Variants in REV3L observed in about 807,000 individuals in gnomAD.
REV3L encodes the protein DNA polymerase zeta catalytic subunit.
REV3L carries 69 observed loss-of-function variants against 299.4 expected under a neutral mutation model. The observed-to-expected ratio is 0.23, with a 90% confidence interval of 0.19 to 0.28. The LOEUF is 0.28. Ranked by LOEUF, REV3L falls within the 10% of genes least tolerant of loss-of-function variation. The probability of loss-of-function intolerance (pLI) is 1.00; values close to 1 mark genes in which losing one functional copy is unlikely to be tolerated. For synonymous variants in REV3L, 1,238 were observed against 1,271.4 expected (o/e 0.97, Z 0.56); for missense variants, 3,128 against 3,693.8 (o/e 0.85, Z 3.97).
chr6:111,430,935 T>C, intron 1 of REV3L: 2 of 1,593,110 alleles, frequency 1.3e-6, no homozygotes, highest in Non-Finnish European at 1.7e-6. Context: ...CCTGTGAGAC[T>C]GGGAATGACA....
At chr6:111,326,854 G>C (rs12192147) in intron 25 of REV3L, among the ~76,000 whole-genome samples, 16,352 of 150,986 alleles carry the variant, frequency 0.11, 1,162 homozygotes, top group Middle Eastern at 0.22. Context: ...CTCTATTGGT[G>C]CTAACTTTTC....
chr6:111,430,230 C>T (rs1470870602), intron 1 of REV3L: 2 of 842,132 alleles, frequency 2.4e-6, no homozygotes, highest in African/African-American at 3.3e-5. Flanking sequence ...ACAGATACCC[C>T]ACCCCTTCAA....
In REV3L at chr6:111,473,128, G is replaced by A. The variant is rs149559049; in HGVS notation, c.139+9622C>T. ...GGCCCATTTCTTACTTTATAAGTAAGTTCAAACTATTTCTTTGAAATATCC... is the reference window on the plus strand; with the variant it reads ...GGCCCATTTCTTACTTTATAAGTAAATTCAAACTATTTCTTTGAAATATCC... On this transcript the variant is annotated intron_variant, in intron 1 of 31. Coordinates refer to ENST00000368802, the MANE Select transcript of REV3L (RefSeq NM_001372078.1). Among the ~76,000 whole-genome samples, 4 of 152,226 alleles carry A rather than the reference G, an allele frequency of 2.6e-5. No homozygotes were observed. The East Asian group carries it at 7.7e-4, about 29-fold the overall frequency.
chr6:111,319,081 ATATTT>A (rs551211036), intron 26 of REV3L, among the ~76,000 whole-genome samples: 1 of 152,164 alleles, frequency 6.6e-6, no homozygotes, highest in South Asian at 2.1e-4. Flanking sequence ...ATATATTTTA[ATATTT>A]TATTACATAC....
intron 21 of REV3L, among the ~76,000 whole-genome samples, chr6:111,340,201 A>G (rs1409935633): frequency 6.6e-6 from 1 of 152,184 alleles, no homozygotes; most frequent in African/African-American, 2.4e-5. Context: ...AAAATTTCTT[A>G]TATTATCTTC....
At chr6:111,343,250 CTATT>C (rs759364255) in intron 21 of REV3L, among the ~76,000 whole-genome samples, 10 of 152,144 alleles carry the variant, frequency 6.6e-5, no homozygotes, top group East Asian at 5.8e-4. Context: ...AATGAACAAA[CTATT>C]TATGCAACAG....
rs1196687517 is a variant in REV3L at position 111,307,373 on chromosome 6, C to CA, written c.9239_9240insT (p.Glu3080AspfsTer15). ...AACAAAACTGTACCTTTACAAGTTG[C>CA]TCCTGTTGACGTTCCAACTCCCGGA... On this transcript the variant is annotated frameshift_variant, in exon 31 of 32. Coordinates refer to ENST00000368802, the MANE Select transcript of REV3L (RefSeq NM_001372078.1). LOFTEE classifies it high-confidence loss of function. 6.2e-7 allele frequency: 1 copy of CA among 1,613,852 alleles called. No individual in the cohort carries two copies. Among genetic ancestry groups the CA allele is most frequent in the Non-Finnish European group, 8.5e-7 (1 of 1,179,898 alleles).
At chr6:111,365,128 A>C in intron 15 of REV3L, 137 bp downstream of exon 15, 1 of 550,398 alleles carries the variant, frequency 1.8e-6, no homozygotes, top group Non-Finnish European at 3.1e-6. Context: ...TTGTTGTCTC[A>C]AAGATATGCA....
At chr6:111,385,340 A>G (rs971181024) in intron 9 of REV3L, among the ~76,000 whole-genome samples, 1 of 152,306 alleles carries the variant, frequency 6.6e-6, no homozygotes, top group East Asian at 1.9e-4. Context: ...GTATGCCTGT[A>G]TAAAAATCTC....
chr6:111,366,970 T>G (rs760856068), intron 14 of REV3L, 145 bp downstream of exon 14: 1 of 584,434 alleles, frequency 1.7e-6, no homozygotes, highest in Non-Finnish European at 2.8e-6. Context: ...AGTTGCCATG[T>G]GACGACTTTC....
chr6:111,451,785 A>G (rs760428030), intron 1 of REV3L, among the ~76,000 whole-genome samples: 16 of 151,758 alleles, frequency 1.1e-4, no homozygotes, highest in Non-Finnish European at 2.4e-4. Flanking sequence ...AACAGAAAAC[A>G]TTTGATATTT....
intron 1 of REV3L, among the ~76,000 whole-genome samples, chr6:111,460,888 A>G (rs561512041): frequency 6.6e-6 from 1 of 152,190 alleles, no homozygotes; most frequent in African/African-American, 2.4e-5. Flanking sequence ...TCGCCTAGGG[A>G]CATCCTAGTT....
chr6:111,470,665 T>C (rs999364023), intron 1 of REV3L, among the ~76,000 whole-genome samples: 1 of 152,224 alleles, frequency 6.6e-6, no homozygotes, highest in African/African-American at 2.4e-5. Flanking sequence ...GATATCTTTC[T>C]AATGACCTCA....
chr6:111,313,218 T>G, intron 28 of REV3L, 134 bp downstream of exon 28: 2 of 679,332 alleles, frequency 2.9e-6, no homozygotes, highest in Non-Finnish European at 2.2e-6. Context: ...ATTCATGTAG[T>G]TACTCCTATA....
At chr6:111,338,498 CT>C (rs555077962) in intron 21 of REV3L, among the ~76,000 whole-genome samples, 3 of 150,006 alleles carry the variant, frequency 2.0e-5, no homozygotes, top group Admixed American at 1.3e-4. Context: ...GTCTTTTACC[CT>C]TTTTTTTACT....
At chr6:111,350,582 A>C (rs1170737210) in intron 19 of REV3L, among the ~76,000 whole-genome samples, 1 of 151,606 alleles carries the variant, frequency 6.6e-6, no homozygotes, top group Admixed American at 6.6e-5. Context: ...TCTGCCCCCC[A>C]TTCCCTTTTT....
At chr6:111,431,694 C>T (rs770459203) in intron 1 of REV3L, 59 of 958,180 alleles carry the variant, frequency 6.2e-5, no homozygotes, top group Non-Finnish European at 9.1e-5. Context: ...TTCCTTCCCC[C>T]GTCATGGAAA....
chr6:111,464,192 G>A (rs535124068), intron 1 of REV3L, among the ~76,000 whole-genome samples: 1 of 152,248 alleles, frequency 6.6e-6, no homozygotes, highest in South Asian at 2.1e-4. Flanking sequence ...AAGGAGAAAA[G>A]TGGAAAAAAC....
chr6:111,482,177 C>T (rs903104483), intron 1 of REV3L, among the ~76,000 whole-genome samples: 10 of 152,310 alleles, frequency 6.6e-5, no homozygotes, highest in South Asian at 2.1e-4. Context: ...CACACGGTCA[C>T]CCCAGTGAGA....
Sources: allele counts gnomAD v4.1 joint callset (sites outside exome capture counted in the v4.1 genomes callset), GRCh38; gene constraint gnomAD v4.1.1; transcripts MANE v1.5; gene names NCBI Gene and HGNC (gene_info 2026-07-23, HGNC 2026-07-21).